RIBC1: variants seen among roughly 807,000 people sequenced by gnomAD.
RIBC1 encodes the protein RIB43A domain with coiled-coils 1.
RIBC1 carries 12 observed loss-of-function variants against 33.7 expected under a neutral mutation model. That is an observed-to-expected ratio of 0.36 (90% CI 0.23 to 0.58). RIBC1 has a LOEUF of 0.58. RIBC1 is among the 20% of genes least tolerant of loss of function. The probability of loss-of-function intolerance (pLI) is 0.81; values close to 1 mark genes in which losing one functional copy is unlikely to be tolerated. For synonymous variants in RIBC1, 89 were observed against 109.0 expected, an observed-to-expected ratio of 0.82 and a Z score of 1.14; for missense variants, 242 against 311.6, an observed-to-expected ratio of 0.78 and a Z score of 1.68.
At chrX:53,423,842 G>A (rs782187707) in intron 2 of RIBC1, among the ~76,000 whole-genome samples, 1 of 112,066 alleles carries the variant, frequency 8.9e-6, no homozygotes, top group East Asian at 2.8e-4. Flanking sequence ...AGGGAGGCAG[G>A]CCAAGGCAGG....
intron 4 of RIBC1, 66 bp downstream of exon 4, chrX:53,428,150 G>T (rs1894871955): frequency 8.4e-7 from 1 of 1,192,669 alleles, no homozygotes; most frequent in Admixed American, 2.2e-5. Flanking sequence ...CTGAGGTAGG[G>T]CAGTTCTGCC....
chrX:53,426,222 T>C (rs2075790699), intron 2 of RIBC1, 55 bp from the exon 3 acceptor site: 15 of 738,862 alleles, frequency 2.0e-5, no homozygotes, highest in Non-Finnish European at 3.2e-5. Flanking sequence ...GGGTGGCGTG[T>C]AGTCAAAGAC....
At chrX:53,429,465 C>G in intron 5 of RIBC1, 1 of 147,636 alleles carries the variant, frequency 6.8e-6, no homozygotes, top group Non-Finnish European at 1.3e-5. Context: ...ATTGCTCTTG[C>G]CAGATTGTGG....
Position 53,430,509 on chromosome X carries a change from C to G in RIBC1, c.777C>G (p.Val259=), listed in dbSNP as rs782327406. The G allele has an allele frequency of 2.5e-6, 3 of 1,210,343 alleles. No individual in the cohort carries two copies. In the South Asian group the frequency reaches 5.3e-5, roughly 21 times the overall value. ...ACCTACTGACTGAAAACCCCCAGGT[C>G]GCCCAACACCCTATGGCTCCCTACC... ...TSDLLTENPQ[V]AQHPMAPYRV... The change falls in exon 7 of 8, where the codon GTC becomes GTG. Residue 259 remains valine (V), a synonymous_variant. Transcript: ENST00000375327.
At position 53,426,177 on chromosome X, in the gene RIBC1, A is replaced by G. The variant is rs964109587; in HGVS notation, c.1-100A>G. 1.3e-5 allele frequency: 7 copies of G among 544,181 alleles called. No individual in the cohort carries two copies. In the African/African-American group the frequency reaches 1.6e-4, roughly 12 times the overall value. The allele number at this position is 544,181 out of a possible 1,213,427, so 44.8% of individuals were successfully genotyped here. A position where few individuals can be genotyped will look rare whatever the true frequency, so the allele number is the denominator to read the frequency against. The stretch of plus-strand genomic sequence containing the variant: ...CAGGAAGTAAAATCAGTAGGAATCA[A>G]TAACTGCTGAAATATTATAGGGAGA... On this transcript the variant is annotated intron_variant, in intron 2 of 7. Coordinates refer to ENST00000375327, the MANE Select transcript of RIBC1 (RefSeq NM_001031745.5).
In RIBC1 at chrX:53,426,512, CAGGAA is replaced by C. The variant is rs1487743017; in HGVS notation, c.117+127_117+131del. On this transcript the variant is annotated intron_variant, in intron 3 of 7. Transcript: ENST00000375327. The stretch of plus-strand genomic sequence containing the variant: ...CCCTGATTCAAGTAGGCCCCTAGGG[CAGGAA>C]AGGAAAGAGAGGGAGAGAAGGCACC... 3 of 524,609 alleles carry C rather than the reference CAGGAA, an allele frequency of 5.7e-6. No homozygotes were observed. In the African/African-American group the frequency reaches 7.1e-5, roughly 12 times the overall value. 43.2% of individuals were successfully genotyped at this position (524,609 alleles called of 1,213,427 possible). A position where few individuals can be genotyped will look rare whatever the true frequency, so the allele number is the denominator to read the frequency against.
Position 53,428,379 on chromosome X carries a change from G to A in RIBC1, c.296G>A (p.Arg99Gln), listed in dbSNP as rs2075803592. The change falls in exon 5 of 8, where the codon CGG (arginine) becomes CAG (glutamine). Residue 99 changes from arginine (R) to glutamine (Q), a missense_variant. Transcript: ENST00000375327. ...RQLAKKVQEF[R>Q]EQKQQLKNGR... is the part of the protein sequence containing the mutation. Reference sequence around the variant, plus strand: ...CTGGCCAAGAAAGTCCAGGAGTTTCGGGAGCAGAAGCAGCAGCTCAAGAAC... The same window carrying A: ...CTGGCCAAGAAAGTCCAGGAGTTTCAGGAGCAGAAGCAGCAGCTCAAGAAC... 4 of 1,211,594 alleles carry A rather than the reference G, an allele frequency of 3.3e-6. No individual in the cohort carries two copies. The highest frequency in any genetic ancestry group is 3.4e-6 in the Non-Finnish European group (3 of 895,265).
intron 1 of RIBC1, 26 bp downstream of exon 1, chrX:53,423,030 C>T: frequency 4.6e-6 from 1 of 217,585 alleles, no homozygotes; most frequent in Non-Finnish European, 8.6e-6. Context: ...TGGCTTTAGC[C>T]TGGCCAGCTT....
At chrX:53,427,295 C>T (rs1264784133) in intron 3 of RIBC1, among the ~76,000 whole-genome samples, 3 of 111,894 alleles carry the variant, frequency 2.7e-5, no homozygotes, top group Non-Finnish European at 5.6e-5. Context: ...TTCTCTGAGC[C>T]CCAGGCTCCT....
chrX:53,428,642 C>T lies in RIBC1; in HGVS notation c.544+15C>T, dbSNP rs1556893641. 1 of 1,207,741 alleles carries T rather than the reference C, an allele frequency of 8.3e-7. No homozygotes were observed. The highest frequency in any genetic ancestry group is 1.1e-6 in the Non-Finnish European group (1 of 893,769). ...GAATTATACAGGTAAGCAGCCCGGC[C>T]CTCCAGACTCAGAGACCTGAGGCCT... is the stretch of plus-strand genomic sequence containing the variant. On this transcript the variant is annotated intron_variant, in intron 5 of 7. Coordinates refer to ENST00000375327, the MANE Select transcript of RIBC1 (RefSeq NM_001031745.5).
rs143881798 is a variant in RIBC1 at position 53,430,457 on chromosome X, C to T, written c.725C>T (p.Ala242Val). 9 of 1,209,083 alleles carry T rather than the reference C, an allele frequency of 7.4e-6. No individual in the cohort carries two copies. Among genetic ancestry groups the T allele is most frequent in the African/African-American group, 3.5e-5 (2 of 57,072 alleles). Residue 242 changes from alanine (A) to valine (V), a missense_variant, in exon 7 of 8, where the codon GCG becomes GTG. Ala to Val is a moderately conservative substitution (Grantham distance 64). Transcript: ENST00000375327. ...ERQREQKANL[A>V]EIQHQSTSDL... ...CAGCGTGAACAGAAGGCCAACCTTG[C>T]GGAGATCCAGCACCAGAGCACGAGT...
In RIBC1 at chrX:53,430,752, A is replaced by T; in HGVS notation, c.1020A>T (p.Gly340=). 1 of 1,205,082 alleles carries T rather than the reference A, an allele frequency of 8.3e-7. No individual in the cohort carries two copies. ...GTGCTGTATTTCAAAGGGGTCTAGG[A>T]TCCTTCAACCAGCAGCTGGCTAATG... ...ELCAVFQRGL[G]SFNQQLANEQ... The change falls in exon 7 of 8, where the codon GGA becomes GGT. Residue 340 remains glycine (G), a synonymous_variant. Transcript: ENST00000375327.
intron 2 of RIBC1, among the ~76,000 whole-genome samples, chrX:53,425,287 A>G (rs1426431384): frequency 9.1e-6 from 1 of 110,330 alleles, no homozygotes. Flanking sequence ...CAGGAACTAG[A>G]TCTTGAAAGC....
At chrX:53,426,237 G>A (rs1556893155) in intron 2 of RIBC1, 40 bp from the exon 3 acceptor site, 1 of 922,295 alleles carries the variant, frequency 1.1e-6, no homozygotes, top group Admixed American at 2.2e-5. Flanking sequence ...AAAGACGGTG[G>A]TCGGCACTGA....
Position 53,428,584 on chromosome X carries a change from A to G in RIBC1, c.501A>G (p.Gln167=). The part of the protein sequence containing the change: ...QGQFRYNLER[Q]QQEQQQAKVD... ...AGTTCAGGTACAACTTGGAAAGGCAACAGCAGGAGCAACAGCAAGCCAAGG... is the reference window on the plus strand; with the variant it reads ...AGTTCAGGTACAACTTGGAAAGGCAGCAGCAGGAGCAACAGCAAGCCAAGG... Residue 167 remains glutamine (Q), a synonymous_variant, in exon 5 of 8, where the codon CAA becomes CAG. Coordinates refer to ENST00000375327, the MANE Select transcript of RIBC1 (RefSeq NM_001031745.5). 2 of 1,210,800 alleles carry G rather than the reference A, an allele frequency of 1.7e-6. No individual in the cohort carries two copies. Among genetic ancestry groups the G allele is most frequent in the Non-Finnish European group, 2.2e-6 (2 of 895,097 alleles).
rs782690890 is a variant in RIBC1 at position 53,428,050 on chromosome X, G to A, written c.165G>A (p.Arg55=). Residue 55 remains arginine, a synonymous_variant, in exon 4 of 8, where the codon CGG becomes CGA. Transcript: ENST00000375327. ...ACCAGGTGGGAGACCGAAAGCGTCG[G>A]GAAGCAGCAGAAAGAAGCAAGGAGG... ...LNNQVGDRKR[R]EAAERSKEAA... is the part of the protein sequence containing the mutation. The A allele has an allele frequency of 8.3e-7, 1 of 1,211,645 alleles. No individual in the cohort carries two copies. The highest frequency in any genetic ancestry group is 2.2e-5 in the Admixed American group (1 of 46,068).
intron 5 of RIBC1, chrX:53,429,393 C>G (rs1299517052): frequency 8.5e-6 from 1 of 116,995 alleles, no homozygotes; most frequent in Non-Finnish European, 1.8e-5. Context: ...TCACCTCTTC[C>G]TGGAAGCCTT....
intron 6 of RIBC1, 70 bp downstream of exon 6, chrX:53,430,042 CAT>C: frequency 2.3e-6 from 2 of 886,386 alleles, no homozygotes; most frequent in Non-Finnish European, 3.3e-6. Context: ...GAACCTTAGC[CAT>C]ATTCTTCCTC....
intron 3 of RIBC1, among the ~76,000 whole-genome samples, chrX:53,426,957 G>T (rs1481577718): frequency 8.9e-6 from 1 of 111,920 alleles, no homozygotes; most frequent in Non-Finnish European, 1.9e-5. Context: ...TTGCACTCCA[G>T]CCTGAGCAAC....
Sources: allele counts gnomAD v4.1 joint callset (sites outside exome capture counted in the v4.1 genomes callset), GRCh38; gene constraint gnomAD v4.1.1; transcripts MANE v1.5; gene names NCBI Gene and HGNC (gene_info 2026-07-23, HGNC 2026-07-21).